The following FGF14 variants were observed in gnomAD, a reference collection of about 807,000 sequenced individuals.
FGF14 encodes the protein fibroblast growth factor homologous factor 4.
FGF14 carries 5 observed loss-of-function variants against 25.5 expected under a neutral mutation model. That is an observed-to-expected ratio of 0.20 (90% CI 0.10 to 0.41). The LOEUF is 0.41. Ranked by LOEUF, FGF14 falls within the 10% of genes least tolerant of loss-of-function variation. FGF14 has a pLI of 1.00. For synonymous variants in FGF14, 138 were observed against 118.3 expected, an observed-to-expected ratio of 1.17 and a Z score of -1.08; for missense variants, 222 against 320.1, an observed-to-expected ratio of 0.69 and a Z score of 2.34.
At chr13:102,402,077 G>GAAAAAAGAAA (rs895033938), upstream of FGF14, 2 of 144,212 alleles carry the variant, frequency 1.4e-5, no homozygotes, top group Non-Finnish European at 2.9e-5. Flanking sequence ...AAGAAAGAAA[G>GAAAAAAGAAA]AAAAAAGAAA....
Position 102,400,228 on chromosome 13 carries a change from A to C in FGF14, c.208+1243T>G, listed in dbSNP as rs912655375. Among the ~76,000 whole-genome samples, 24 of 152,130 alleles carry C rather than the reference A, an allele frequency of 1.6e-4. No individual in the cohort carries two copies. Among genetic ancestry groups the C allele is most frequent in the Non-Finnish European group, 1.9e-4 (13 of 68,004 alleles). On this transcript the variant is annotated intron_variant, in intron 1 of 4. Transcript: ENST00000376131. The surrounding 1 kb of genome is among the most constrained non-coding windows in gnomAD (Gnocchi z 4.3). ...GCCAGTGCGGCCCCCGGCAGAGCCC[A>C]GGGCGTCAGGGAGGCCGTGGAGAGC... is the stretch of plus-strand genomic sequence containing the variant.
chr13:102,270,009 C>A (rs2053171747), intron 1 of FGF14, among the ~76,000 whole-genome samples: 1 of 152,100 alleles, frequency 6.6e-6, no homozygotes, highest in Non-Finnish European at 1.5e-5. Flanking sequence ...TCACCAGTAC[C>A]TAGTACTGTG....
At chr13:101,772,524 ATTAC>A (rs1245447191) in intron 3 of FGF14, among the ~76,000 whole-genome samples, 5 of 152,042 alleles carry the variant, frequency 3.3e-5, no homozygotes, top group African/African-American at 1.2e-4. Context: ...GGTTTCTATA[ATTAC>A]TTCTCATTTA....
chr13:102,112,527 G>T (rs2045282840), intron 1 of FGF14, among the ~76,000 whole-genome samples: 1 of 152,104 alleles, frequency 6.6e-6, no homozygotes, highest in African/African-American at 2.4e-5. Flanking sequence ...CAAAACCCAT[G>T]TTTTGAATTA....
At chr13:101,814,481 A>G (rs867195846) in intron 3 of FGF14, among the ~76,000 whole-genome samples, 12 of 152,246 alleles carry the variant, frequency 7.9e-5, no homozygotes, top group African/African-American at 2.9e-4. Context: ...AATGAGTTTT[A>G]ATAAAGTTAG....
At chr13:102,081,710 T>A (rs1389136131) in intron 1 of FGF14, among the ~76,000 whole-genome samples, 1 of 152,260 alleles carries the variant, frequency 6.6e-6, no homozygotes, top group African/African-American at 2.4e-5. Flanking sequence ...TACATTACTA[T>A]GACATGTGTT....
chr13:102,162,855 T>C (rs949544833), intron 1 of FGF14, among the ~76,000 whole-genome samples: 1 of 152,120 alleles, frequency 6.6e-6, no homozygotes, highest in Non-Finnish European at 1.5e-5. Context: ...TTTGGGAGGA[T>C]ACTAGAAGTC....
intron 1 of FGF14, among the ~76,000 whole-genome samples, chr13:102,377,357 T>C (rs2058064544): frequency 2.0e-5 from 3 of 152,204 alleles, no homozygotes. Context: ...TTGAGATATT[T>C]ATTTTTAGGT....
chr13:102,185,600 A>G (rs770374680), intron 1 of FGF14, among the ~76,000 whole-genome samples: 1 of 152,196 alleles, frequency 6.6e-6, no homozygotes, highest in Non-Finnish European at 1.5e-5. Flanking sequence ...TCTCTTAAAG[A>G]TCTCCATATG....
At chr13:101,820,806 A>ACACACCACACACACACACACACC (rs1262447164) in intron 3 of FGF14, among the ~76,000 whole-genome samples, 1 of 83,922 alleles carries the variant, frequency 1.2e-5, no homozygotes, top group East Asian at 4.0e-4. Flanking sequence ...ACACACACAC[A>ACACACCACACACACACACACACC]ACACACACAC....
At chr13:102,101,111 G>GAA (rs79230981) in intron 1 of FGF14, among the ~76,000 whole-genome samples, 13 of 132,680 alleles carry the variant, frequency 9.8e-5, no homozygotes, top group African/African-American at 3.6e-4. Flanking sequence ...GCAACCCCAG[G>GAA]AAAAAAAAAA....
At chr13:102,356,703 T>C (rs2057425975) in intron 1 of FGF14, among the ~76,000 whole-genome samples, 1 of 152,138 alleles carries the variant, frequency 6.6e-6, no homozygotes. Flanking sequence ...CACAACCCAA[T>C]TTCCAATAGC....
intron 1 of FGF14, among the ~76,000 whole-genome samples, chr13:101,914,494 C>G (rs2033273150): frequency 6.6e-6 from 1 of 151,994 alleles, no homozygotes; most frequent in Admixed American, 6.6e-5. Context: ...ATATATTTTT[C>G]TTACAGAACA....
At chr13:102,285,263 G>A (rs1310102065) in intron 1 of FGF14, among the ~76,000 whole-genome samples, 1 of 152,130 alleles carries the variant, frequency 6.6e-6, no homozygotes, top group Admixed American at 6.5e-5. Context: ...CTGCTTCGAA[G>A]TGAAGACTTA....
At position 101,901,330 on chromosome 13, in the gene FGF14, G is replaced by C. The variant is rs527512839; in HGVS notation, c.193+15123C>G. ...TTCCCAAGTAGTGACTTCCAAATCTGATTTCTTGCAACTAGCCCTCTGTCC... is the reference window on the plus strand; with the variant it reads ...TTCCCAAGTAGTGACTTCCAAATCTCATTTCTTGCAACTAGCCCTCTGTCC... On this transcript the variant is annotated intron_variant, in intron 1 of 4. Coordinates refer to ENST00000376143, the MANE Select transcript of FGF14 (RefSeq NM_004115.4). Among the ~76,000 whole-genome samples the C allele has an allele frequency of 9.4e-4, 143 of 152,236 alleles. 1 individual carries two copies. Among genetic ancestry groups the C allele is most frequent in the South Asian group, 4.6e-3 (22 of 4,816 alleles).
chr13:102,212,924 C>A (rs535431201), intron 1 of FGF14, among the ~76,000 whole-genome samples: 27 of 152,272 alleles, frequency 1.8e-4, no homozygotes, highest in African/African-American at 6.5e-4. Context: ...TCCACTTCCC[C>A]ACCCCCCACA....
At chr13:102,158,949 A>T (rs1364820350) in intron 1 of FGF14, among the ~76,000 whole-genome samples, 1 of 151,622 alleles carries the variant, frequency 6.6e-6, no homozygotes, top group Admixed American at 6.6e-5. Flanking sequence ...GACCAGCCTG[A>T]CCAACATGGT....
chr13:101,877,455 G>A (rs754067388), intron 1 of FGF14, among the ~76,000 whole-genome samples: 4 of 151,990 alleles, frequency 2.6e-5, no homozygotes, highest in Non-Finnish European at 5.9e-5. Context: ...TGAAGAAATC[G>A]AGACACAGAG....
intron 1 of FGF14, among the ~76,000 whole-genome samples, chr13:102,243,655 G>GTT (rs3066872): frequency 0.58 from 82,828 of 142,022 alleles, 24,889 homozygotes; most frequent in African/African-American, 0.74. Context: ...CTTTGGGCAT[G>GTT]TTTTTTTTTT....
Sources: gnomAD v4.1 joint callset for allele counts (sites outside exome capture counted in the v4.1 genomes callset) on GRCh38, gnomAD v4.1.1 for gene constraint, Gnocchi (gnomAD v3.1) non-coding constraint, MANE v1.5 for transcripts, NCBI Gene and HGNC (gene_info 2026-07-23, HGNC 2026-07-21) for gene names.